NKAIN3: variants seen among roughly 807,000 people sequenced by gnomAD.
NKAIN3 encodes the protein sodium/potassium transporting ATPase interacting 3, also known as sodium/potassium-transporting ATPase subunit beta-1-interacting protein 3.
Under a neutral mutation model 30.2 loss-of-function variants are expected in NKAIN3, and 25 were observed. The ratio of observed to expected loss-of-function variants is 0.83; its 90% CI spans 0.60 to 1.16. The LOEUF (loss-of-function observed/expected upper bound fraction) is 1.16, where lower values mean the gene tolerates loss of function less well. Ranked by LOEUF, NKAIN3 falls within the 50% of genes most tolerant of loss-of-function variation. The pLI is 0.00. For synonymous variants in NKAIN3, 91 were observed against 89.6 expected (o/e 1.02, Z -0.09); for missense variants, 225 against 254.1 (o/e 0.89, Z 0.78).
intron 1 of NKAIN3, among the ~76,000 whole-genome samples, chr8:62,422,893 G>T (rs996538082): frequency 2.6e-5 from 4 of 152,076 alleles, no homozygotes; most frequent in Non-Finnish European, 2.9e-5. Flanking sequence ...GTGGTAGGCT[G>T]TCATAAGAAA....
intron 3 of NKAIN3, among the ~76,000 whole-genome samples, chr8:62,729,025 A>C (rs1349997929): frequency 7.6e-5 from 4 of 52,852 alleles, no homozygotes; most frequent in African/African-American, 2.0e-4. Context: ...CAAACAAACC[A>C]AAAAAAAAAA....
At chr8:62,986,208 A>G (rs1227702843), downstream of NKAIN3, among the ~76,000 whole-genome samples, 1 of 152,180 alleles carries the variant, frequency 6.6e-6, no homozygotes, top group Non-Finnish European at 1.5e-5. Context: ...GGAGTGGCTA[A>G]CCCGGAGATT....
intron 4 of NKAIN3, among the ~76,000 whole-genome samples, chr8:62,917,362 G>A (rs1822139486): frequency 6.6e-6 from 1 of 152,182 alleles, no homozygotes. Flanking sequence ...GGTGCCCGCT[G>A]GGTGGGAGGA....
At chr8:62,276,436 G>C (rs1812965202) in intron 1 of NKAIN3, among the ~76,000 whole-genome samples, 2 of 152,174 alleles carry the variant, frequency 1.3e-5, no homozygotes, top group South Asian at 4.1e-4. Flanking sequence ...TCCATTGCTT[G>C]ATGGCAGCAC....
chr8:62,661,424 A>AT (rs1394302711), intron 3 of NKAIN3, among the ~76,000 whole-genome samples: 2 of 152,196 alleles, frequency 1.3e-5, no homozygotes, highest in Non-Finnish European at 2.9e-5. Context: ...AATAAAGAGC[A>AT]TTTTTTAATT....
At chr8:62,772,465 G>A (rs2130638790) in intron 4 of NKAIN3, among the ~76,000 whole-genome samples, 1 of 152,176 alleles carries the variant, frequency 6.6e-6, no homozygotes, top group African/African-American at 2.4e-5. Context: ...AAGTGTATAA[G>A]GATTCCCTTT....
chr8:62,459,762 G>A (rs961778762), intron 1 of NKAIN3, among the ~76,000 whole-genome samples: 1 of 152,160 alleles, frequency 6.6e-6, no homozygotes, highest in Admixed American at 6.5e-5. Context: ...CAAAGATAAA[G>A]TGTGCTCAGA....
intron 1 of NKAIN3, among the ~76,000 whole-genome samples, chr8:62,283,190 T>G (rs1813260156): frequency 6.6e-6 from 1 of 152,176 alleles, no homozygotes; most frequent in Non-Finnish European, 1.5e-5. Context: ...ACGAGTCCAG[T>G]TGTATTTGAA....
chr8:62,256,998 C>T (rs1282860623), intron 1 of NKAIN3, among the ~76,000 whole-genome samples: 2 of 152,034 alleles, frequency 1.3e-5, no homozygotes, highest in African/African-American at 4.8e-5. Flanking sequence ...ATAGTATATA[C>T]TTATGAGGTA....
chr8:62,471,228 G>C (rs998088435), intron 1 of NKAIN3, among the ~76,000 whole-genome samples: 1 of 152,042 alleles, frequency 6.6e-6, no homozygotes, highest in African/African-American at 2.4e-5. Flanking sequence ...ATTTTCAAGA[G>C]AGTGGATAGT....
intron 5 of NKAIN3, 75 bp downstream of exon 5, chr8:62,918,588 C>A: frequency 2.1e-6 from 2 of 947,328 alleles, no homozygotes; most frequent in Non-Finnish European, 3.3e-6. Context: ...CATTACAGGG[C>A]TATGAAATGA....
intron 1 of NKAIN3, among the ~76,000 whole-genome samples, chr8:62,451,336 C>T (rs2129598875): frequency 7.1e-6 from 1 of 140,768 alleles, no homozygotes; most frequent in East Asian, 2.4e-4. Context: ...CCCCTCCTCT[C>T]CTGTCCTCTC....
intron 3 of NKAIN3, among the ~76,000 whole-genome samples, chr8:62,741,710 C>G (rs191510535): frequency 6.6e-6 from 1 of 152,170 alleles, no homozygotes. Flanking sequence ...ACTCTAATTG[C>G]AGCTTTGTGT....
At chr8:62,697,227 A>G in intron 3 of NKAIN3, among the ~76,000 whole-genome samples, 1 of 152,098 alleles carries the variant, frequency 6.6e-6, no homozygotes, top group Admixed American at 6.5e-5. Context: ...CTACAGAGCT[A>G]TCTCTTCCCC....
chr8:62,793,494 T>G (rs1364650549), intron 4 of NKAIN3, among the ~76,000 whole-genome samples: 9 of 152,138 alleles, frequency 5.9e-5, no homozygotes, highest in Admixed American at 5.9e-4. Flanking sequence ...TTGGTTCAGC[T>G]AATCTTTTTT....
chr8:62,364,662 A>ACC (rs1396963425), intron 1 of NKAIN3, among the ~76,000 whole-genome samples: 8 of 151,712 alleles, frequency 5.3e-5, no homozygotes, highest in African/African-American at 1.5e-4. Context: ...ACACCGTGAC[A>ACC]CCCCATCTCT....
intron 1 of NKAIN3, among the ~76,000 whole-genome samples, chr8:62,325,380 G>C (rs1276082388): frequency 6.6e-6 from 1 of 151,946 alleles, no homozygotes; most frequent in African/African-American, 2.4e-5. Flanking sequence ...TCATTCATTG[G>C]TTAGATGGGC....
At chr8:62,312,654 C>CA (rs1814482611) in intron 1 of NKAIN3, among the ~76,000 whole-genome samples, 3 of 141,916 alleles carry the variant, frequency 2.1e-5, no homozygotes, top group Non-Finnish European at 4.4e-5. Context: ...CCTATTGCTA[C>CA]AAAAAATACA....
chr8:62,565,422 A>G (rs759687525), intron 1 of NKAIN3, among the ~76,000 whole-genome samples: 6 of 152,066 alleles, frequency 3.9e-5, no homozygotes, highest in Admixed American at 2.0e-4. Flanking sequence ...TGCCTTATAC[A>G]TATTAACTCA....
Sources: allele counts gnomAD v4.1 joint callset (sites outside exome capture counted in the v4.1 genomes callset), GRCh38; gene constraint gnomAD v4.1.1; transcripts MANE v1.5; gene names NCBI Gene and HGNC (gene_info 2026-07-23, HGNC 2026-07-21).